IL1RAPL2: variants seen among roughly 807,000 people sequenced by gnomAD.
IL1RAPL2 encodes the protein interleukin 1 receptor accessory protein like 2, also known as X-linked interleukin-1 receptor accessory protein-like 2.
IL1RAPL2 carries 3 observed loss-of-function variants against 44.1 expected under a neutral mutation model. The ratio of observed to expected loss-of-function variants is 0.07; its 90% CI spans 0.03 to 0.18. IL1RAPL2 has a LOEUF of 0.18. Among genes scored for constraint, IL1RAPL2 ranks in the 10% least tolerant of loss-of-function variants. The pLI, the probability that IL1RAPL2 is intolerant of heterozygous loss-of-function variation, is 1.00. For missense variants in IL1RAPL2, 391 were observed against 496.4 expected (o/e 0.79, Z 2.02); for synonymous variants, 181 against 178.8 (o/e 1.01, Z -0.10).
chrX:104,653,599 C>A (rs1366249054), intron 1 of IL1RAPL2, among the ~76,000 whole-genome samples: 1 of 110,877 alleles, frequency 9.0e-6, no homozygotes, highest in African/African-American at 3.3e-5. Flanking sequence ...GAACTAGCTG[C>A]ATTGGTTCAT....
Position 105,195,611 on chromosome X carries a change from G to A in IL1RAPL2, c.219G>A (p.Arg73=), listed in dbSNP as rs2033666937. The change falls in exon 3 of 11, where the codon AGG becomes AGA. Residue 73 remains arginine, a synonymous_variant. Coordinates refer to ENST00000372582, the MANE Select transcript of IL1RAPL2 (RefSeq NM_017416.2). ...GCACGGCCCAGAGCACTGGGCTCAG[G>A]CTTATGTGGTACAAAAACAAAGGTG... The part of the protein sequence containing the change: ...NYSTAQSTGL[R]LMWYKNKGDL... 8.3e-7 allele frequency: 1 copy of A among 1,211,907 alleles called. No individual in the cohort carries two copies. Among genetic ancestry groups the A allele is most frequent in the African/African-American group, 1.7e-5 (1 of 57,854 alleles).
At chrX:105,240,260 A>C (rs1045699196) in intron 4 of IL1RAPL2, among the ~76,000 whole-genome samples, 45 of 112,695 alleles carry the variant, frequency 4.0e-4, no homozygotes, top group African/African-American at 1.4e-3. Context: ...CTTGAATACC[A>C]ATTGTTTCTC....
intron 6 of IL1RAPL2, among the ~76,000 whole-genome samples, chrX:105,520,925 T>C (rs2036550984): frequency 2.0e-5 from 1 of 50,009 alleles, no homozygotes. Context: ...CTTTCTTTCT[T>C]TTTTTTTTTT....
At chrX:105,184,825 G>C (rs2147607261) in intron 2 of IL1RAPL2, among the ~76,000 whole-genome samples, 1 of 111,478 alleles carries the variant, frequency 9.0e-6, no homozygotes, top group East Asian at 2.8e-4. Context: ...TGAAATATAA[G>C]TAATTTAGTT....
rs772051709 is a variant in IL1RAPL2 at position 105,288,874 on chromosome X, C to T, written c.697+21333C>T. On this transcript the variant is annotated intron_variant, in intron 5 of 10. Transcript: ENST00000372582. ...TCAATTAGAATTCTTATATCCCAAC[C>T]TTAATGCTATAAAGAAAATACTGAT... Among the ~76,000 whole-genome samples, 13 of 110,497 alleles carry T rather than the reference C, an allele frequency of 1.2e-4. No individual in the cohort carries two copies. The South Asian group carries it at 5.1e-3, about 43-fold the overall frequency.
At chrX:105,504,227 G>A (rs2036415620) in intron 6 of IL1RAPL2, among the ~76,000 whole-genome samples, 1 of 111,376 alleles carries the variant, frequency 9.0e-6, no homozygotes, top group Non-Finnish European at 1.9e-5. Context: ...CAAACACATA[G>A]GCAGGTTTCA....
chrX:105,235,354 T>C (rs2034111380), intron 4 of IL1RAPL2, among the ~76,000 whole-genome samples: 1 of 111,994 alleles, frequency 8.9e-6, no homozygotes, highest in South Asian at 3.7e-4. Context: ...ACTGAAGTTT[T>C]ATGATGTGAT....
chrX:105,263,887 A>C (rs1410917471), intron 4 of IL1RAPL2, among the ~76,000 whole-genome samples: 1 of 111,802 alleles, frequency 8.9e-6, no homozygotes, highest in Non-Finnish European at 1.9e-5. Flanking sequence ...GGGGGATTAC[A>C]CAGTGAGTTC....
intron 2 of IL1RAPL2, among the ~76,000 whole-genome samples, chrX:105,130,451 C>T (rs936179786): frequency 2.7e-5 from 3 of 111,025 alleles, no homozygotes; most frequent in Non-Finnish European, 5.7e-5. Flanking sequence ...CACTTGGTGA[C>T]CTTATTATCC....
At chrX:105,759,457 G>C (rs1443917484) in intron 10 of IL1RAPL2, among the ~76,000 whole-genome samples, 2 of 111,931 alleles carry the variant, frequency 1.8e-5, no homozygotes, top group East Asian at 5.6e-4. Context: ...CCCTATGTGA[G>C]TTGTTCATGC....
At chrX:105,224,914 G>A (rs1387360050) in intron 3 of IL1RAPL2, among the ~76,000 whole-genome samples, 1 of 111,851 alleles carries the variant, frequency 8.9e-6, no homozygotes, top group African/African-American at 3.3e-5. Context: ...GTAGCATGAT[G>A]TGTCTCAGAT....
At chrX:104,614,655 T>A (rs987202686) in intron 1 of IL1RAPL2, among the ~76,000 whole-genome samples, 3 of 111,920 alleles carry the variant, frequency 2.7e-5, no homozygotes, top group Non-Finnish European at 5.6e-5. Flanking sequence ...TGTGGCTAAG[T>A]CTTTTGTAGG....
chrX:105,399,578 G>T (rs1054275623), intron 5 of IL1RAPL2, among the ~76,000 whole-genome samples: 1 of 111,146 alleles, frequency 9.0e-6, no homozygotes, highest in South Asian at 3.8e-4. Context: ...CTGACACAAA[G>T]TCTGGCATAT....
At chrX:105,712,145 C>T (rs771915143) in intron 6 of IL1RAPL2, among the ~76,000 whole-genome samples, 1 of 112,440 alleles carries the variant, frequency 8.9e-6, no homozygotes, top group African/African-American at 3.2e-5. Flanking sequence ...TGGGAACTGT[C>T]TGTGGTAGCT....
intron 6 of IL1RAPL2, among the ~76,000 whole-genome samples, chrX:105,619,617 G>A (rs2037405323): frequency 9.0e-6 from 1 of 111,211 alleles, no homozygotes; most frequent in African/African-American, 3.3e-5. Flanking sequence ...AAGATATGAA[G>A]GCCCAGCATA....
At chrX:104,950,703 G>A (rs1466392649) in intron 2 of IL1RAPL2, among the ~76,000 whole-genome samples, 2 of 76,418 alleles carry the variant, frequency 2.6e-5, no homozygotes, top group Non-Finnish European at 5.2e-5. Flanking sequence ...TTGTTTGTTT[G>A]TTTTTGTTTT....
Position 105,588,951 on chromosome X carries a change from T to C in IL1RAPL2, c.772+104564T>C, listed in dbSNP as rs143255732. 6.5e-3 allele frequency among the ~76,000 whole-genome samples: 726 copies of C among 112,014 alleles called. 11 individuals carry two copies. Among genetic ancestry groups the C allele is most frequent in the African/African-American group, 0.023 (697 of 30,849 alleles). ...AAATTGTAGTTCTGTTTTAAGTTCTTTGAGATATCACAAAACTGCTTTCCA... is the reference window on the plus strand; with the variant it reads ...AAATTGTAGTTCTGTTTTAAGTTCTCTGAGATATCACAAAACTGCTTTCCA... On this transcript the variant is annotated intron_variant, in intron 6 of 10. Coordinates refer to ENST00000372582, the MANE Select transcript of IL1RAPL2 (RefSeq NM_017416.2).
rs988251118 is a variant in IL1RAPL2, at chrX:105,005,624, T to A, written c.83-189851T>A. Among the ~76,000 whole-genome samples the A allele has an allele frequency of 6.3e-5, 7 of 110,817 alleles. No homozygotes were observed. In the East Asian group the frequency reaches 1.4e-3, roughly 23 times the overall value. On this transcript the variant is annotated intron_variant, in intron 2 of 10. Transcript: ENST00000372582. ...CCTCTTTCCCCCTCTTCTGCTTATA[T>A]TATAGGCCTACTAGTTCCCTCTACC... is the stretch of plus-strand genomic sequence containing the variant.
At chrX:104,686,468 G>A (rs1372630361) in intron 2 of IL1RAPL2, among the ~76,000 whole-genome samples, 1 of 111,543 alleles carries the variant, frequency 9.0e-6, no homozygotes, top group Non-Finnish European at 1.9e-5. Context: ...AAAATCTATT[G>A]ATCTAAGAGG....
Sources: gnomAD v4.1 joint callset for allele counts (sites outside exome capture counted in the v4.1 genomes callset) on GRCh38, gnomAD v4.1.1 for gene constraint, MANE v1.5 for transcripts, NCBI Gene and HGNC (gene_info 2026-07-23, HGNC 2026-07-21) for gene names.